INPP5B: variants seen among roughly 807,000 people sequenced by gnomAD.
INPP5B encodes inositol polyphosphate-5-phosphatase B.
In INPP5B, 90 loss-of-function variants were observed where a neutral mutation model predicts 118.5. The observed-to-expected ratio is 0.76, with a 90% CI of 0.64 to 0.90. The LOEUF (loss-of-function observed/expected upper bound fraction) is 0.90, where lower values mean the gene tolerates loss of function less well. Among genes scored for constraint, INPP5B ranks in the 40% least tolerant of loss-of-function variants. INPP5B has a pLI of 0.00. For synonymous variants in INPP5B, 385 were observed against 418.9 expected (o/e 0.92, Z 0.99); for missense variants, 984 against 1,125.6 (o/e 0.87, Z 1.80).
intron 7 of INPP5B, among the ~76,000 whole-genome samples, chr1:37,919,379 C>T (rs951213114): frequency 6.6e-6 from 1 of 152,106 alleles, no homozygotes; most frequent in Admixed American, 6.6e-5. Flanking sequence ...AAGCAAAATA[C>T]CTGCAAACCA....
chr1:37,876,552 TAAAAAAAAAAAAAAA>T (rs34854182), intron 16 of INPP5B, among the ~76,000 whole-genome samples: 5 of 54,592 alleles, frequency 9.2e-5, no homozygotes, highest in African/African-American at 4.5e-4. Flanking sequence ...GCTGTCTCTT[TAAAAAAAAAAAAAAA>T]AAAAAAAAAA....
intron 7 of INPP5B, among the ~76,000 whole-genome samples, chr1:37,923,501 T>C (rs1329296459): frequency 6.6e-6 from 1 of 152,136 alleles, no homozygotes; most frequent in Non-Finnish European, 1.5e-5. Flanking sequence ...TAGAATACGA[T>C]CAAAGTTATG....
intron 5 of INPP5B, among the ~76,000 whole-genome samples, chr1:37,941,732 A>G (rs1270117240): frequency 6.8e-6 from 1 of 148,128 alleles, no homozygotes; most frequent in African/African-American, 2.5e-5. Context: ...AGGTCAGGAG[A>G]TCGAGACCAT....
At chr1:37,924,965 G>A (rs1187902929) in intron 7 of INPP5B, among the ~76,000 whole-genome samples, 1 of 152,202 alleles carries the variant, frequency 6.6e-6, no homozygotes, top group Non-Finnish European at 1.5e-5. Flanking sequence ...CCTGAAATCA[G>A]GAGTTCAAGA....
At chr1:37,917,100 C>T (rs1013404266) in intron 7 of INPP5B, among the ~76,000 whole-genome samples, 8 of 149,722 alleles carry the variant, frequency 5.3e-5, no homozygotes, top group Non-Finnish European at 1.2e-4. Context: ...ACCAGCCTGA[C>T]CAACATGGTG....
chr1:37,896,562 CT>C (rs1644086156), intron 7 of INPP5B, among the ~76,000 whole-genome samples: 1 of 146,026 alleles, frequency 6.8e-6, no homozygotes, highest in Non-Finnish European at 1.5e-5. Flanking sequence ...TGAGGAGCCC[CT>C]CTGCCCGGCC....
chr1:37,871,362 G>C (rs1642421452), intron 19 of INPP5B, among the ~76,000 whole-genome samples: 1 of 150,598 alleles, frequency 6.6e-6, no homozygotes, highest in South Asian at 2.1e-4. Context: ...GGAGGCTGAG[G>C]CAGGAGAATC....
chr1:37,873,985 G>T lies in INPP5B; in HGVS notation c.1951+8C>A. The T allele has an allele frequency of 6.4e-7, 1 of 1,555,204 alleles. No homozygotes were observed. Among genetic ancestry groups the T allele is most frequent in the Non-Finnish European group, 8.8e-7 (1 of 1,138,452 alleles). On this transcript the variant is annotated splice_region_variant and intron_variant, in intron 18 of 23. Coordinates refer to ENST00000373024, the MANE Select transcript of INPP5B (RefSeq NM_005540.3). ...CAGATACCAGGAAGCTAGGAACAGA[G>T]GCCTTACCTGGCAGGAGGAAGCCTC...
At position 37,887,851 on chromosome 1, in the gene INPP5B, G is replaced by C. The variant is rs1204506553; in HGVS notation, c.900-386C>G. ...CCCCACTAGTAATGCCCAGTATAGAGATGAGAAGATTAAAAAAAAAAAAGA... is the reference window on the plus strand; with the variant it reads ...CCCCACTAGTAATGCCCAGTATAGACATGAGAAGATTAAAAAAAAAAAAGA... On this transcript the variant is annotated intron_variant, in intron 10 of 23. Transcript: ENST00000373024. Among the ~76,000 whole-genome samples, 12 of 111,782 alleles carry C rather than the reference G, an allele frequency of 1.1e-4. No homozygotes were observed. In the Admixed American group the frequency reaches 1.1e-3, roughly 10 times the overall value. The allele number at this position is 111,782 out of a possible 152,430, so 73.3% of individuals were successfully genotyped here. A position where few individuals can be genotyped will look rare whatever the true frequency, so the allele number is the denominator to read the frequency against.
At chr1:37,891,590 C>CA (rs1643848581) in intron 7 of INPP5B, 136 bp from the exon 8 acceptor site, 1 of 570,592 alleles carries the variant, frequency 1.8e-6, no homozygotes, top group Non-Finnish European at 3.2e-6. Context: ...GCCTGACCAA[C>CA]ATGGAGAAAC....
At chr1:37,909,855 A>G (rs532953711) in intron 7 of INPP5B, among the ~76,000 whole-genome samples, 1 of 152,164 alleles carries the variant, frequency 6.6e-6, no homozygotes. Context: ...TCCAGCACAC[A>G]AGAACTTCAA....
At chr1:37,896,487 C>T (rs1407423227) in intron 7 of INPP5B, among the ~76,000 whole-genome samples, 448 of 148,542 alleles carry the variant, frequency 3.0e-3, no homozygotes, top group African/African-American at 0.01. Flanking sequence ...ATCAGCCCCC[C>T]GCCCGGCCAG....
At chr1:37,909,598 C>T (rs993949900) in intron 7 of INPP5B, among the ~76,000 whole-genome samples, 2 of 152,176 alleles carry the variant, frequency 1.3e-5, no homozygotes, top group Non-Finnish European at 2.9e-5. Flanking sequence ...CAGCCCAGTC[C>T]ATGGCCCGTT....
chr1:37,873,124 T>C lies in INPP5B; in HGVS notation c.1993A>G (p.Met665Val). The change falls in exon 19 of 24, where the codon ATG (methionine) becomes GTG (valine). Residue 665 changes from methionine to valine, a missense_variant. Physicochemically the swap from Met to Val is conservative, Grantham distance 21 (BLOSUM62 1). Transcript: ENST00000373024. ...CCCGAGTTGAGCTTTGTAGCTGTCA[T>C]CTTATTTACGAAGAGCTCCAAGTCA... is the stretch of plus-strand genomic sequence containing the variant. ...EIDLELFVNK[M>V]TATKLNSGED... 6.2e-7 allele frequency: 1 copy of C among 1,614,030 alleles called. No individual in the cohort carries two copies. Among genetic ancestry groups the C allele is most frequent in the South Asian group, 1.1e-5 (1 of 91,076 alleles).
intron 7 of INPP5B, among the ~76,000 whole-genome samples, chr1:37,913,961 C>A (rs192352831): frequency 2.0e-5 from 3 of 151,474 alleles, no homozygotes; most frequent in Admixed American, 2.0e-4. Context: ...ATATATTCTA[C>A]CCCCCCACTT....
At chr1:37,945,691 G>T in intron 3 of INPP5B, 65 bp downstream of exon 3, 3 of 1,131,344 alleles carry the variant, frequency 2.7e-6, no homozygotes, top group Non-Finnish European at 4.0e-6. Flanking sequence ...TTGAAGTTCA[G>T]CTGGAGGGTG....
rs1309257455 is a variant in INPP5B at position 37,868,422 on chromosome 1, T to C, written c.2301+79A>G. The C allele has an allele frequency of 2.8e-5, 24 of 860,204 alleles. No individual in the cohort carries two copies. The Admixed American group carries it at 4.0e-4, about 14-fold the overall frequency. The allele number at this position is 860,204 out of a possible 1,614,324, so 53.3% of individuals were successfully genotyped here. On this transcript the variant is annotated intron_variant, in intron 20 of 23. Transcript: ENST00000373024. ...GAAGAACAGTTCTCCACAGTTTCCT[T>C]ATGAAAAAAGTTCTTGGGGCTGATG...
intron 7 of INPP5B, chr1:37,931,189 C>G (rs1645443004): frequency 4.2e-6 from 1 of 239,082 alleles, no homozygotes; most frequent in Non-Finnish European, 8.3e-6. Flanking sequence ...CAGGGCTCCC[C>G]AAGACTCCAG....
intron 11 of INPP5B, 134 bp from the exon 12 acceptor site, chr1:37,887,138 TTCAATTC>T: frequency 1.3e-6 from 1 of 788,520 alleles, no homozygotes; most frequent in Non-Finnish European, 2.1e-6. Context: ...TAATCATCTG[TTCAATTC>T]ACCAAGCATG....
Sources: allele counts gnomAD v4.1 joint callset (sites outside exome capture counted in the v4.1 genomes callset), GRCh38; gene constraint gnomAD v4.1.1; transcripts MANE v1.5; gene names NCBI Gene and HGNC (gene_info 2026-07-23, HGNC 2026-07-21).